FOXP1: variants seen among roughly 807,000 people sequenced by gnomAD.
The protein encoded by FOXP1 is forkhead box P1.
Under a neutral mutation model 98.2 loss-of-function variants are expected in FOXP1, and 15 were observed. The observed-to-expected ratio is 0.15, with a 90% confidence interval of 0.10 to 0.24. The LOEUF is 0.24. Among genes scored for constraint, FOXP1 ranks in the 10% least tolerant of loss-of-function variants. The pLI is 1.00. For missense variants in FOXP1, 633 were observed against 848.5 expected, an observed-to-expected ratio of 0.75 and a Z score of 3.15; for synonymous variants, 371 against 314.5, an observed-to-expected ratio of 1.18 and a Z score of -1.90.
intron 6 of FOXP1, among the ~76,000 whole-genome samples, chr3:71,150,513 A>G (rs1392114866): frequency 6.6e-6 from 1 of 152,192 alleles, no homozygotes; most frequent in Non-Finnish European, 1.5e-5. Context: ...GAAACTCGAT[A>G]CTTATCTTAC....
intron 3 of FOXP1, among the ~76,000 whole-genome samples, chr3:71,411,586 T>C (rs1577363247): frequency 6.6e-6 from 1 of 152,158 alleles, no homozygotes; most frequent in East Asian, 1.9e-4. Flanking sequence ...CCTCCCAAAG[T>C]GCTAGGATTA....
chr3:71,532,550 A>G (rs908296152), intron 2 of FOXP1, among the ~76,000 whole-genome samples: 1 of 152,194 alleles, frequency 6.6e-6, no homozygotes, highest in Admixed American at 6.5e-5. Flanking sequence ...TAAAAAAATT[A>G]ATTTGGTGTC....
chr3:71,067,992 A>T (rs2052756765), intron 7 of FOXP1, among the ~76,000 whole-genome samples: 1 of 151,448 alleles, frequency 6.6e-6, no homozygotes, highest in African/African-American at 2.4e-5. Context: ...ATAATTATAA[A>T]AAAAAAAAGC....
chr3:71,257,536 G>A (rs1451932439), intron 5 of FOXP1, among the ~76,000 whole-genome samples: 1 of 146,178 alleles, frequency 6.8e-6, no homozygotes, highest in African/African-American at 2.5e-5. Flanking sequence ...AGTGAGTTGA[G>A]ATCATGCCAT....
At chr3:71,512,021 C>T (rs1291878703) in intron 2 of FOXP1, among the ~76,000 whole-genome samples, 2 of 152,192 alleles carry the variant, frequency 1.3e-5, no homozygotes, top group Non-Finnish European at 2.9e-5. Flanking sequence ...GTGCCAAGTG[C>T]AGTGCTCAGC....
intron 4 of FOXP1, among the ~76,000 whole-genome samples, chr3:71,352,004 TG>T: frequency 6.6e-6 from 1 of 152,286 alleles, no homozygotes; most frequent in Middle Eastern, 3.4e-3. Context: ...AGAAAGCATT[TG>T]AAGAAGTCTA....
chr3:71,358,734 G>T (rs1401557971), intron 4 of FOXP1, among the ~76,000 whole-genome samples: 2 of 152,110 alleles, frequency 1.3e-5, no homozygotes, highest in Non-Finnish European at 2.9e-5. Context: ...GCCAAATATG[G>T]CTTACTGTCT....
At chr3:71,157,821 T>G (rs1299402159) in intron 6 of FOXP1, among the ~76,000 whole-genome samples, 1 of 151,834 alleles carries the variant, frequency 6.6e-6, no homozygotes, top group Admixed American at 6.6e-5. Flanking sequence ...GAGTAGTGGC[T>G]CATGCCTATA....
intron 5 of FOXP1, among the ~76,000 whole-genome samples, chr3:71,282,547 T>C (rs546974067): frequency 6.6e-6 from 1 of 152,264 alleles, no homozygotes; most frequent in Admixed American, 6.5e-5. Flanking sequence ...ACTTTTTACC[T>C]GAAAAGAATT....
intron 3 of FOXP1, among the ~76,000 whole-genome samples, chr3:71,443,357 T>C (rs184133267): frequency 2.3e-4 from 35 of 152,356 alleles, no homozygotes; most frequent in Admixed American, 5.2e-4. Flanking sequence ...TTCAAAATAC[T>C]TTCTTCTAGC....
At chr3:71,411,409 G>C (rs1054585675) in intron 3 of FOXP1, among the ~76,000 whole-genome samples, 1 of 151,894 alleles carries the variant, frequency 6.6e-6, no homozygotes, top group Non-Finnish European at 1.5e-5. Flanking sequence ...CCGCCTCCCG[G>C]GTTCAAGCTA....
At chr3:71,155,730 C>T (rs1445601514) in intron 6 of FOXP1, among the ~76,000 whole-genome samples, 1 of 152,212 alleles carries the variant, frequency 6.6e-6, no homozygotes, top group Non-Finnish European at 1.5e-5. Context: ...ACATCACATT[C>T]TTAGTTACAA....
chr3:71,034,076 G>A (rs72964058), intron 11 of FOXP1, among the ~76,000 whole-genome samples: 4,906 of 152,124 alleles, frequency 0.032, 249 homozygotes, highest in African/African-American at 0.11. Flanking sequence ...TGCCCAGCAC[G>A]CCCTCTATAT....
At chr3:71,323,922 A>C (rs1049669092) in intron 4 of FOXP1, among the ~76,000 whole-genome samples, 2 of 152,186 alleles carry the variant, frequency 1.3e-5, no homozygotes, top group Non-Finnish European at 2.9e-5. Flanking sequence ...CATGGCCTGG[A>C]ACAAATCACT....
intron 6 of FOXP1, among the ~76,000 whole-genome samples, chr3:71,197,349 C>A (rs1468711611): frequency 6.6e-6 from 1 of 152,086 alleles, no homozygotes; most frequent in Non-Finnish European, 1.5e-5. Context: ...TCCGAGGAAT[C>A]AGGAAAGGCG....
At chr3:71,486,169 T>C (rs564515253) in intron 3 of FOXP1, among the ~76,000 whole-genome samples, 2 of 152,310 alleles carry the variant, frequency 1.3e-5, no homozygotes, top group Non-Finnish European at 2.9e-5. Flanking sequence ...AGCAGGTGAC[T>C]TATGCACTAA....
chr3:71,459,931 C>CGTTTTTTTTTTTTT (rs1334419290), intron 3 of FOXP1, among the ~76,000 whole-genome samples: 2 of 137,026 alleles, frequency 1.5e-5, no homozygotes, highest in African/African-American at 2.6e-5. Flanking sequence ...GCCCCATCTT[C>CGTTTTTTTTTTTTT]TTTTTTTTTT....
At chr3:71,155,528 C>G (rs2060778468) in intron 6 of FOXP1, among the ~76,000 whole-genome samples, 1 of 152,136 alleles carries the variant, frequency 6.6e-6, no homozygotes, top group Non-Finnish European at 1.5e-5. Flanking sequence ...TGCTCAAGAG[C>G]CCCATGGGAC....
At chr3:71,359,343 T>A (rs902022801) in intron 3 of FOXP1, 99 bp from the exon 4 acceptor site, 7 of 152,224 alleles carry the variant, frequency 4.6e-5, no homozygotes, top group African/African-American at 1.7e-4. Flanking sequence ...CTCATTTACA[T>A]ACCACATTTA....
Sources: gnomAD v4.1 joint callset for allele counts (sites outside exome capture counted in the v4.1 genomes callset) on GRCh38, gnomAD v4.1.1 for gene constraint, MANE v1.5 for transcripts, NCBI Gene and HGNC (gene_info 2026-07-23, HGNC 2026-07-21) for gene names.